GRIK2: variants seen among roughly 807,000 people sequenced by gnomAD.
The protein encoded by GRIK2 is glutamate receptor ionotropic, kainate 2.
In GRIK2, 32 loss-of-function variants were observed where a neutral mutation model predicts 100.3. The observed-to-expected ratio is 0.32, with a 90% confidence interval of 0.24 to 0.43. The LOEUF (loss-of-function observed/expected upper bound fraction) is 0.43, where lower values mean the gene tolerates loss of function less well. Among genes scored for constraint, GRIK2 ranks in the 20% least tolerant of loss-of-function variants. The pLI is 1.00. For missense variants in GRIK2, 843 were observed against 1,114.9 expected (o/e 0.76, Z 3.47); for synonymous variants, 417 against 389.4 (o/e 1.07, Z -0.83).
intron 3 of GRIK2, among the ~76,000 whole-genome samples, chr6:101,624,944 TG>T: frequency 6.6e-6 from 1 of 152,244 alleles, no homozygotes; most frequent in East Asian, 1.9e-4. Context: ...TTTTTCTTTT[TG>T]TTTTAGTAGA....
intron 7 of GRIK2, among the ~76,000 whole-genome samples, chr6:101,688,112 A>AATATTATATAAAAATATTTAT (rs1367766847): frequency 1.4e-5 from 2 of 146,522 alleles, no homozygotes; most frequent in Admixed American, 1.4e-4. Context: ...AAAATATTTA[A>AATATTATATAAAAATATTTAT]ATATTATATA....
At chr6:101,885,087 G>C (rs1562463599) in intron 11 of GRIK2, among the ~76,000 whole-genome samples, 2 of 152,072 alleles carry the variant, frequency 1.3e-5, no homozygotes, top group Non-Finnish European at 2.9e-5. Context: ...CAGGAACTGA[G>C]ACAATACAGT....
At chr6:101,616,181 T>A (rs940749203) in intron 2 of GRIK2, among the ~76,000 whole-genome samples, 1 of 151,872 alleles carries the variant, frequency 6.6e-6, no homozygotes, top group Non-Finnish European at 1.5e-5. Flanking sequence ...ATGTTAAGTC[T>A]TTCTCATTAT....
chr6:101,445,088 A>G (rs1192531113), intron 2 of GRIK2, among the ~76,000 whole-genome samples: 1 of 152,054 alleles, frequency 6.6e-6, no homozygotes, highest in African/African-American at 2.4e-5. Flanking sequence ...AGAATCTTGG[A>G]ACTGAGAGGC....
intron 2 of GRIK2, among the ~76,000 whole-genome samples, chr6:101,422,654 G>A (rs1211484586): frequency 6.6e-6 from 1 of 150,880 alleles, no homozygotes; most frequent in African/African-American, 2.4e-5. Context: ...CTCCACCCCT[G>A]CCTTTGAGTA....
intron 7 of GRIK2, among the ~76,000 whole-genome samples, chr6:101,733,708 C>CTTTTTTTTTT (rs34438783): frequency 1.4e-3 from 117 of 83,928 alleles, no homozygotes; most frequent in Non-Finnish European, 1.8e-3. Flanking sequence ...ATTCCTCTTT[C>CTTTTTTTTTT]TTTTTTTTTT....
intron 7 of GRIK2, among the ~76,000 whole-genome samples, chr6:101,727,176 C>G (rs921566121): frequency 6.6e-6 from 1 of 151,966 alleles, no homozygotes; most frequent in African/African-American, 2.4e-5. Flanking sequence ...CTATATTTAA[C>G]AAGTGAACAC....
Position 101,857,595 on chromosome 6 carries a change from C to T in GRIK2, c.1318-1692C>T, listed in dbSNP as rs146923720. Among the ~76,000 whole-genome samples, 64 of 152,258 alleles carry T rather than the reference C, an allele frequency of 4.2e-4. No homozygotes were observed. The East Asian group carries it at 0.011, about 26-fold the overall frequency. ...GAGGGTGAGCACATTCCTAGGTGGA[C>T]TGGCATGGGAGTATCCTAACTTTTC... On this transcript the variant is annotated intron_variant, in intron 10 of 16. Transcript: ENST00000369134.
intron 7 of GRIK2, among the ~76,000 whole-genome samples, chr6:101,761,122 A>T (rs911569996): frequency 1.3e-5 from 2 of 152,170 alleles, no homozygotes; most frequent in South Asian, 2.1e-4. Context: ...AGATCATAGC[A>T]TTCAGGGAGA....
intron 10 of GRIK2, among the ~76,000 whole-genome samples, chr6:101,826,522 T>A (rs1782342673): frequency 6.6e-6 from 1 of 152,072 alleles, no homozygotes. Flanking sequence ...AAATCTTGAT[T>A]ATTTATGTAA....
At chr6:101,972,727 G>T (rs933639492) in intron 14 of GRIK2, among the ~76,000 whole-genome samples, 1 of 151,816 alleles carries the variant, frequency 6.6e-6, no homozygotes, top group Non-Finnish European at 1.5e-5. Flanking sequence ...TTTATATATG[G>T]TGAAAGGTAG....
chr6:101,877,876 C>A (rs1436937494), intron 11 of GRIK2, among the ~76,000 whole-genome samples: 2 of 151,362 alleles, frequency 1.3e-5, no homozygotes, highest in Non-Finnish European at 2.9e-5. Context: ...TAACTGTAAC[C>A]TGTAGAATGA....
chr6:102,007,749 A>G (rs1391434610), intron 14 of GRIK2, among the ~76,000 whole-genome samples: 2 of 152,112 alleles, frequency 1.3e-5, no homozygotes, highest in African/African-American at 4.8e-5. Context: ...AAGTTTTCTT[A>G]GGAAAGAGGT....
chr6:101,911,038 G>A (rs1314087181), intron 12 of GRIK2, among the ~76,000 whole-genome samples: 2 of 125,878 alleles, frequency 1.6e-5, no homozygotes, highest in Non-Finnish European at 3.3e-5. Flanking sequence ...TTGTATTATT[G>A]CTTTCTTATT....
intron 9 of GRIK2, among the ~76,000 whole-genome samples, chr6:101,807,309 T>C (rs1289707262): frequency 1.3e-5 from 2 of 151,966 alleles, no homozygotes; most frequent in African/African-American, 4.8e-5. Flanking sequence ...ATTGCTTCAG[T>C]GGTAAATCTG....
chr6:101,907,790 A>G (rs12207485), intron 12 of GRIK2, among the ~76,000 whole-genome samples: 14,146 of 151,714 alleles, frequency 0.093, 820 homozygotes, highest in Middle Eastern at 0.2. Context: ...TATGACTACG[A>G]CATAAACTTT....
At chr6:101,698,640 A>G (rs777890771) in intron 7 of GRIK2, among the ~76,000 whole-genome samples, 1 of 152,086 alleles carries the variant, frequency 6.6e-6, no homozygotes, top group African/African-American at 2.4e-5. Flanking sequence ...CATTCTCCAA[A>G]TATTTACTGA....
At chr6:101,895,856 T>G (rs1787405734) in intron 12 of GRIK2, among the ~76,000 whole-genome samples, 1 of 151,792 alleles carries the variant, frequency 6.6e-6, no homozygotes, top group Admixed American at 6.6e-5. Flanking sequence ...TAAAATTTAC[T>G]GAAAATTTAG....
chr6:101,979,385 T>C (rs182245832), intron 14 of GRIK2, among the ~76,000 whole-genome samples: 3 of 152,004 alleles, frequency 2.0e-5, no homozygotes, highest in Admixed American at 2.0e-4. Flanking sequence ...TTGAAACAAA[T>C]AGCTACCGCT....
Sources: allele counts gnomAD v4.1 joint callset (sites outside exome capture counted in the v4.1 genomes callset), GRCh38; gene constraint gnomAD v4.1.1; transcripts MANE v1.5; gene names NCBI Gene and HGNC (gene_info 2026-07-23, HGNC 2026-07-21).